CCDC178: variants seen among roughly 807,000 people sequenced by gnomAD.
CCDC178 encodes coiled-coil domain containing 178, also known as coiled-coil domain-containing protein 178.
In CCDC178, 126 loss-of-function variants were observed where a neutral mutation model predicts 117.4. The observed-to-expected ratio is 1.07, with a 90% confidence interval of 0.93 to 1.24. The LOEUF is 1.24. Among genes scored for constraint, CCDC178 ranks in the 50% most tolerant of loss-of-function variants. The probability of loss-of-function intolerance (pLI) is 0.00; values close to 1 mark genes in which losing one functional copy is unlikely to be tolerated. For synonymous variants in CCDC178, 283 were observed against 313.4 expected, an observed-to-expected ratio of 0.90 and a Z score of 1.02; for missense variants, 1,030 against 986.9, an observed-to-expected ratio of 1.04 and a Z score of -0.59.
intron 14 of CCDC178, among the ~76,000 whole-genome samples, chr18:33,265,479 A>G (rs1219749433): frequency 6.6e-6 from 1 of 152,082 alleles, no homozygotes. Context: ...TGTAATCTTA[A>G]GGATAAGTGG....
chr18:33,342,884 T>A (rs2062834231), intron 9 of CCDC178, among the ~76,000 whole-genome samples: 1 of 152,204 alleles, frequency 6.6e-6, no homozygotes, highest in African/African-American at 2.4e-5. Flanking sequence ...ATGGAAGATT[T>A]AACATTCCAT....
intron 12 of CCDC178, among the ~76,000 whole-genome samples, chr18:33,281,195 T>TTTACAAAATTACAAAATTACAAATC (rs2060022203): frequency 1.3e-5 from 2 of 151,816 alleles, no homozygotes; most frequent in African/African-American, 2.4e-5. Context: ...ATCAAACGTA[T>TTTACAAAATTACAAAATTACAAATC]ACAAAATTAC....
intron 2 of CCDC178, among the ~76,000 whole-genome samples, chr18:33,435,083 C>A (rs548438802): frequency 2.0e-5 from 3 of 152,126 alleles, no homozygotes; most frequent in East Asian, 1.9e-4. Flanking sequence ...GAATGAGGGA[C>A]CGTCTGCAGA....
rs148530457 is a variant in CCDC178 at position 33,061,350 on chromosome 18, A to T, written c.2388+31411T>A. The stretch of plus-strand genomic sequence containing the variant: ...TCCCATTGAAGTATAAATAAAGAAA[A>T]GTAACCATACTGTTGTTTCAATTCT... On this transcript the variant is annotated intron_variant, in intron 21 of 22. Transcript: ENST00000383096. Among the ~76,000 whole-genome samples, 281 of 152,248 alleles carry T rather than the reference A, an allele frequency of 1.8e-3. 1 individual carries two copies. Among genetic ancestry groups the T allele is most frequent in the African/African-American group, 6.3e-3 (260 of 41,584 alleles).
At chr18:33,248,164 C>T (rs1470817357) in intron 14 of CCDC178, among the ~76,000 whole-genome samples, 1 of 151,744 alleles carries the variant, frequency 6.6e-6, no homozygotes, top group Non-Finnish European at 1.5e-5. Context: ...CAAATCTAAG[C>T]AAAAATAAAT....
chr18:33,036,881 C>T (rs2056454875), intron 21 of CCDC178, among the ~76,000 whole-genome samples: 1 of 151,830 alleles, frequency 6.6e-6, no homozygotes, highest in Non-Finnish European at 1.5e-5. Flanking sequence ...CCTATATAAA[C>T]TAGGATAATA....
At chr18:33,305,101 A>G (rs1246786566) in intron 11 of CCDC178, among the ~76,000 whole-genome samples, 1 of 152,144 alleles carries the variant, frequency 6.6e-6, no homozygotes, top group Non-Finnish European at 1.5e-5. Context: ...CTGTTGAAGG[A>G]TTAGCTTTCT....
intron 11 of CCDC178, among the ~76,000 whole-genome samples, chr18:33,295,870 G>C (rs2062100501): frequency 6.6e-6 from 1 of 152,180 alleles, no homozygotes; most frequent in South Asian, 2.1e-4. Flanking sequence ...AGACCAGTTT[G>C]GCAGTTTTTT....
chr18:33,177,256 T>C (rs1447423154), intron 20 of CCDC178, among the ~76,000 whole-genome samples: 2 of 152,102 alleles, frequency 1.3e-5, no homozygotes, highest in Non-Finnish European at 2.9e-5. Flanking sequence ...ACCTAGGGCA[T>C]GCGTGGCTTA....
At chr18:33,371,077 G>A (rs539475350) in intron 5 of CCDC178, among the ~76,000 whole-genome samples, 21 of 151,986 alleles carry the variant, frequency 1.4e-4, no homozygotes, top group Non-Finnish European at 2.4e-4. Flanking sequence ...ATCCTGTTGC[G>A]TTTTGTTTCA....
intron 20 of CCDC178, among the ~76,000 whole-genome samples, chr18:33,197,915 G>GAC (rs1193110731): frequency 6.6e-6 from 1 of 152,102 alleles, no homozygotes; most frequent in Non-Finnish European, 1.5e-5. Context: ...AAATGAACAT[G>GAC]ACACTGTACA....
chr18:33,093,207 A>T (rs113683831), intron 20 of CCDC178, among the ~76,000 whole-genome samples: 1 of 151,842 alleles, frequency 6.6e-6, no homozygotes, highest in Admixed American at 6.6e-5. Flanking sequence ...ACTTCCCTCT[A>T]TCATGCCTTG....
At chr18:33,196,031 C>T (rs1166639969) in intron 20 of CCDC178, among the ~76,000 whole-genome samples, 2 of 152,178 alleles carry the variant, frequency 1.3e-5, no homozygotes, top group Non-Finnish European at 2.9e-5. Context: ...CTTTACTTGT[C>T]TGGGGGCTTT....
At chr18:33,308,509 A>T (rs2062289952) in intron 11 of CCDC178, among the ~76,000 whole-genome samples, 1 of 152,082 alleles carries the variant, frequency 6.6e-6, no homozygotes, top group African/African-American at 2.4e-5. Flanking sequence ...TAGACTTTTG[A>T]GTTAGTGCTG....
chr18:33,126,995 AAAAT>A (rs1189734204), intron 20 of CCDC178, among the ~76,000 whole-genome samples: 11 of 138,052 alleles, frequency 8.0e-5, no homozygotes, highest in African/African-American at 3.0e-4. Flanking sequence ...TTAAAAAAAA[AAAAT>A]ATATATATAT....
At chr18:33,240,146 G>C (rs1294389553) in intron 15 of CCDC178, among the ~76,000 whole-genome samples, 1 of 151,706 alleles carries the variant, frequency 6.6e-6, no homozygotes, top group Admixed American at 6.6e-5. Context: ...ACCAATGGGT[G>C]AAGGAAGAAA....
At chr18:33,314,662 C>T (rs925349488) in intron 11 of CCDC178, among the ~76,000 whole-genome samples, 12 of 152,160 alleles carry the variant, frequency 7.9e-5, no homozygotes, top group Admixed American at 1.3e-4. Flanking sequence ...CCTTCACTGT[C>T]GGATCTGACC....
At chr18:32,944,073 T>G (rs938905578) in intron 22 of CCDC178, among the ~76,000 whole-genome samples, 1 of 152,162 alleles carries the variant, frequency 6.6e-6, no homozygotes, top group Non-Finnish European at 1.5e-5. Flanking sequence ...ACACATTTTT[T>G]TTTTCAGGGA....
chr18:33,401,326 A>G (rs2063707509), intron 3 of CCDC178, among the ~76,000 whole-genome samples: 1 of 152,198 alleles, frequency 6.6e-6, no homozygotes, highest in South Asian at 2.1e-4. Flanking sequence ...TTAAAACAAA[A>G]CAAAACAAAA....
Sources: allele counts gnomAD v4.1 joint callset (sites outside exome capture counted in the v4.1 genomes callset), GRCh38; gene constraint gnomAD v4.1.1; transcripts MANE v1.5; gene names NCBI Gene and HGNC (gene_info 2026-07-23, HGNC 2026-07-21).